Variants in GAD2 observed in about 807,000 individuals in gnomAD.
The protein encoded by GAD2 is glutamate decarboxylase 2.
Under a neutral mutation model 80.1 loss-of-function variants are expected in GAD2, and 22 were observed. That is an observed-to-expected ratio of 0.27 (90% CI 0.20 to 0.39). The LOEUF (loss-of-function observed/expected upper bound fraction) is 0.39, where lower values mean the gene tolerates loss of function less well. Ranked by LOEUF, GAD2 falls within the 10% of genes least tolerant of loss-of-function variation. The pLI is 1.00. For missense variants in GAD2, 624 were observed against 738.4 expected (o/e 0.85, Z 1.80); for synonymous variants, 274 against 256.9 (o/e 1.07, Z -0.64).
At position 26,256,743 on chromosome 10, in the gene GAD2, T is replaced by A. The variant is rs76746316; in HGVS notation, c.920+10743T>A. ...GAGGTTGGTCTCATTATCAGTAATA[T>A]CAACTTTGATTTTTTGGTGAAGGCA... On this transcript the variant is annotated intron_variant, in intron 8 of 15. Transcript: ENST00000376261. Among the ~76,000 whole-genome samples, 489 of 152,338 alleles carry A rather than the reference T, an allele frequency of 3.2e-3. 2 individuals carry two copies. Among genetic ancestry groups the A allele is most frequent in the African/African-American group, 0.011 (475 of 41,584 alleles).
intron 11 of GAD2, among the ~76,000 whole-genome samples, chr10:26,279,424 C>T (rs769227633): frequency 2.0e-5 from 3 of 152,100 alleles, no homozygotes; most frequent in Non-Finnish European, 4.4e-5. Context: ...TAAAGAAAAG[C>T]GAAGAGACCC....
intron 13 of GAD2, 132 bp downstream of exon 13, chr10:26,286,626 C>G (rs926180069): frequency 3.7e-6 from 3 of 807,036 alleles, no homozygotes; most frequent in Admixed American, 3.6e-5. Context: ...TTTAAACTTG[C>G]GTCTAAATAC....
At position 26,304,030 on chromosome 10, in the gene GAD2, A is replaced by T. The variant is rs1834356158; in HGVS notation, c.*3069A>T. ...CTATATGCCCTCCACATCGGCTCTA[A>T]TAGAGAACATGCCCTCAGCTAAGCC... On this transcript the variant is annotated 3_prime_UTR_variant, in exon 16 of 16. Coordinates refer to ENST00000376261, the MANE Select transcript of GAD2 (RefSeq NM_001134366.2). 6.6e-6 allele frequency: 1 copy of T among 152,164 alleles called. No individual in the cohort carries two copies. The highest frequency in any genetic ancestry group is 1.5e-5 in the Non-Finnish European group (1 of 68,030). The allele number at this position is 152,164 out of a possible 1,614,324, so 9.4% of individuals were successfully genotyped here.
In GAD2 at chr10:26,217,742, A is replaced by T; in HGVS notation, c.136+73A>T. 1 of 1,585,400 alleles carries T rather than the reference A, an allele frequency of 6.3e-7. No homozygotes were observed. Among genetic ancestry groups the T allele is most frequent in the Non-Finnish European group, 8.6e-7 (1 of 1,163,718 alleles). Reference sequence around the variant, plus strand: ...AGCAGTCTTCTCACCTCCGCATCCCAGTCAGCGGAGTCGGGGTTTCCTGGC... The same window carrying T: ...AGCAGTCTTCTCACCTCCGCATCCCTGTCAGCGGAGTCGGGGTTTCCTGGC... On this transcript the variant is annotated intron_variant, in intron 2 of 15. Coordinates refer to ENST00000376261, the MANE Select transcript of GAD2 (RefSeq NM_001134366.2). The surrounding 1 kb of genome is among the most constrained non-coding windows in gnomAD (Gnocchi z 4.9).
At chr10:26,283,879 C>T (rs544171248) in intron 12 of GAD2, among the ~76,000 whole-genome samples, 2 of 152,254 alleles carry the variant, frequency 1.3e-5, no homozygotes, top group Admixed American at 6.5e-5. Context: ...TTGATGTTAC[C>T]GTTGAGGCTG....
At chr10:26,229,459 G>A (rs1236843303) in intron 6 of GAD2, among the ~76,000 whole-genome samples, 1 of 152,182 alleles carries the variant, frequency 6.6e-6, no homozygotes, top group African/African-American at 2.4e-5. Flanking sequence ...TGACTGAGAT[G>A]GGGTGTGACA....
chr10:26,273,244 G>A (rs1845157826), intron 10 of GAD2, among the ~76,000 whole-genome samples: 1 of 152,226 alleles, frequency 6.6e-6, no homozygotes, highest in African/African-American at 2.4e-5. Context: ...TGTCAAAAGA[G>A]TTTTCCCTGC....
chr10:26,248,822 G>A (rs1241001128), intron 8 of GAD2, among the ~76,000 whole-genome samples: 1 of 152,156 alleles, frequency 6.6e-6, no homozygotes, highest in East Asian at 1.9e-4. Flanking sequence ...AAAAAAAATG[G>A]TGTTATTTTT....
At position 26,217,596 on chromosome 10, in the gene GAD2, ATTC is replaced by A. The variant is rs1844392533; in HGVS notation, c.77-10_77-8del. On this transcript the variant is annotated splice_polypyrimidine_tract_variant and intron_variant, in intron 1 of 15. Transcript: ENST00000376261. This position sits in a 1 kb window ranked among gnomAD's most constrained non-coding sequence, Gnocchi z 4.9. ...TTTCTGCCTCGCTGTCTGCCTGCCT[ATTC>A]TTCCTTGCAGCGCGAGCCTGGTGCC... 6.2e-7 allele frequency: 1 copy of A among 1,610,620 alleles called. No individual in the cohort carries two copies. The highest frequency in any genetic ancestry group is 8.5e-7 in the Non-Finnish European group (1 of 1,178,514).
At chr10:26,257,567 G>C (rs113398843) in intron 8 of GAD2, among the ~76,000 whole-genome samples, 7 of 152,294 alleles carry the variant, frequency 4.6e-5, no homozygotes, top group South Asian at 2.1e-4. Context: ...GACTACAAGA[G>C]TCATTGGCTT....
intron 6 of GAD2, among the ~76,000 whole-genome samples, chr10:26,226,728 A>G (rs1312701352): frequency 6.6e-6 from 1 of 152,194 alleles, no homozygotes; most frequent in Non-Finnish European, 1.5e-5. Flanking sequence ...CTGTGACTTA[A>G]AACATACTGT....
chr10:26,295,451 T>C (rs1350199963), intron 15 of GAD2, among the ~76,000 whole-genome samples: 1 of 151,016 alleles, frequency 6.6e-6, no homozygotes, highest in East Asian at 1.9e-4. Context: ...AGTTCTTTAT[T>C]AAGTGTGACG....
chr10:26,301,520 A>G lies in GAD2; in HGVS notation c.*559A>G, dbSNP rs1046153025. 6.6e-6 allele frequency: 1 copy of G among 152,142 alleles called. No homozygotes were observed. The highest frequency in any genetic ancestry group is 2.4e-5 in the African/African-American group (1 of 41,458). 9.4% of individuals were successfully genotyped at this position (152,142 alleles called of 1,614,324 possible). On this transcript the variant is annotated 3_prime_UTR_variant, in exon 16 of 16. Coordinates refer to ENST00000376261, the MANE Select transcript of GAD2 (RefSeq NM_001134366.2). ...TTTGTAACATATAGATTTTTATTTTATATAGGTTATACAAACTGCGGGGGC... is the reference window on the plus strand; with the variant it reads ...TTTGTAACATATAGATTTTTATTTTGTATAGGTTATACAAACTGCGGGGGC...
chr10:26,290,044 A>G (rs1209412272), intron 13 of GAD2, among the ~76,000 whole-genome samples: 1 of 152,184 alleles, frequency 6.6e-6, no homozygotes, highest in Admixed American at 6.5e-5. Context: ...CTAATTAAAA[A>G]TGTGGATAAC....
chr10:26,217,556 C>T lies in GAD2; in HGVS notation c.77-54C>T, dbSNP rs966768273. On this transcript the variant is annotated intron_variant, in intron 1 of 15. Coordinates refer to ENST00000376261, the MANE Select transcript of GAD2 (RefSeq NM_001134366.2). This position sits in a 1 kb window ranked among gnomAD's most constrained non-coding sequence, Gnocchi z 4.9. The stretch of plus-strand genomic sequence containing the variant: ...TCACATAGAACGAAATTTCACACGT[C>T]CGTCTGTTGTTCTCTTTCTGCCTCG... The T allele has an allele frequency of 6.5e-7, 1 of 1,543,704 alleles. No individual in the cohort carries two copies. Among genetic ancestry groups the T allele is most frequent in the African/African-American group, 1.4e-5 (1 of 73,470 alleles).
At chr10:26,247,183 T>G (rs1844819952) in intron 8 of GAD2, among the ~76,000 whole-genome samples, 1 of 152,050 alleles carries the variant, frequency 6.6e-6, no homozygotes, top group African/African-American at 2.4e-5. Context: ...TAACAAGGGG[T>G]GGATTATTCA....
rs975162612 is a variant in GAD2, at chr10:26,302,867, T to G, written c.*1906T>G. 6.6e-6 allele frequency: 1 copy of G among 152,206 alleles called. No homozygotes were observed. The highest frequency in any genetic ancestry group is 1.5e-5 in the Non-Finnish European group (1 of 68,050). The allele number at this position is 152,206 out of a possible 1,614,324, so 9.4% of individuals were successfully genotyped here. A position where few individuals can be genotyped will look rare whatever the true frequency, so the allele number is the denominator to read the frequency against. On this transcript the variant is annotated 3_prime_UTR_variant, in exon 16 of 16. Coordinates refer to ENST00000376261, the MANE Select transcript of GAD2 (RefSeq NM_001134366.2). ...AACTCTTTCATCTGTCCCGCAGAAT[T>G]TCATGAAGGAGTAACCTTCCATTCT...
At position 26,302,506 on chromosome 10, in the gene GAD2, G is replaced by A. The variant is rs1189978149; in HGVS notation, c.*1545G>A. ...CACACATCGTCAGATTCCAAGTGCT[G>A]ATTGGAGAACAATAGATTGATATGC... is the stretch of plus-strand genomic sequence containing the variant. On this transcript the variant is annotated 3_prime_UTR_variant, in exon 16 of 16. Transcript: ENST00000376261. The A allele has an allele frequency of 6.6e-6, 1 of 152,204 alleles. No individual in the cohort carries two copies. The highest frequency in any genetic ancestry group is 2.4e-5 in the African/African-American group (1 of 41,458). 9.4% of individuals were successfully genotyped at this position (152,204 alleles called of 1,614,324 possible).
intron 12 of GAD2, 27 bp from the exon 13 acceptor site, chr10:26,286,318 T>C: frequency 1.3e-6 from 2 of 1,595,278 alleles, no homozygotes; most frequent in Non-Finnish European, 1.7e-6. Context: ...CAGTAGAATT[T>C]CCTAAATTTT....
Sources: gnomAD v4.1 joint callset for allele counts (sites outside exome capture counted in the v4.1 genomes callset) on GRCh38, gnomAD v4.1.1 for gene constraint, Gnocchi (gnomAD v3.1) non-coding constraint, MANE v1.5 for transcripts, NCBI Gene and HGNC (gene_info 2026-07-23, HGNC 2026-07-21) for gene names.